N4BP2: variants seen among roughly 807,000 people sequenced by gnomAD.
N4BP2 encodes NEDD4-binding protein 2.
A neutral mutation model predicts 152.8 loss-of-function variants in N4BP2; 91 were observed. The observed-to-expected ratio is 0.60, with a 90% CI of 0.50 to 0.71. The LOEUF (loss-of-function observed/expected upper bound fraction) is 0.71. Ranked by LOEUF, N4BP2 falls within the 30% of genes least tolerant of loss-of-function variation. The pLI is 0.00. For synonymous variants in N4BP2, 646 were observed against 705.3 expected, an observed-to-expected ratio of 0.92 and a Z score of 1.33; for missense variants, 1,923 against 2,059.1, an observed-to-expected ratio of 0.93 and a Z score of 1.28.
In N4BP2 at chr4:40,131,877, C is replaced by G. The variant is rs1483344890; in HGVS notation, c.4604C>G (p.Ala1535Gly). ...KEKQLFKIFPAINQNFLVDIF... is the reference protein window; with the variant it reads ...KEKQLFKIFPGINQNFLVDIF... ...AAGCAGCTCTTTAAGATATTTCCAGCCATTAACCAAAATTTTCTGGTGGAC... is the reference window on the plus strand; with the variant it reads ...AAGCAGCTCTTTAAGATATTTCCAGGCATTAACCAAAATTTTCTGGTGGAC... Residue 1535 changes from alanine to glycine, a missense_variant, in exon 13 of 18, where the codon GCC becomes GGC. Transcript: ENST00000261435. 1 of 1,613,542 alleles carries G rather than the reference C, an allele frequency of 6.2e-7. No homozygotes were observed. Among genetic ancestry groups the G allele is most frequent in the Non-Finnish European group, 8.5e-7 (1 of 1,179,652 alleles).
In N4BP2 at chr4:40,102,878, C is replaced by T. The variant is rs753560148; in HGVS notation, c.1033C>T (p.Pro345Ser). 9.3e-6 allele frequency: 15 copies of T among 1,614,160 alleles called. No homozygotes were observed. In the South Asian group the frequency reaches 1.2e-4, roughly 13 times the overall value. ...PTKGKDVSYC[P>S]VLAPLPLLLP... Reference sequence around the variant, plus strand: ...TAAGGGGAAGGATGTGAGTTACTGCCCGGTACTTGCTCCTCTCCCATTGCT... The same window carrying T: ...TAAGGGGAAGGATGTGAGTTACTGCTCGGTACTTGCTCCTCTCCCATTGCT... The change falls in exon 4 of 18, where the codon CCG (proline) becomes TCG (serine). Residue 345 changes from proline to serine, a missense_variant. By Grantham distance (74) the Pro-to-Ser change is moderately conservative. Transcript: ENST00000261435.
chr4:40,067,023 T>C (rs1290278056), intron 1 of N4BP2, among the ~76,000 whole-genome samples: 1 of 151,808 alleles, frequency 6.6e-6, no homozygotes, highest in Admixed American at 6.6e-5. Flanking sequence ...TCCTCAAGAT[T>C]CTTCCATGTT....
At chr4:40,173,419 C>T in the N4BP2 span, among the ~76,000 whole-genome samples, 1 of 152,148 alleles carries the variant, frequency 6.6e-6, no homozygotes, top group Non-Finnish European at 1.5e-5. Context: ...CAAGGATTTA[C>T]ACAATAGCAG....
chr4:40,149,473 A>G (rs552665105), intron 16 of N4BP2, among the ~76,000 whole-genome samples: 2 of 152,326 alleles, frequency 1.3e-5, no homozygotes, highest in South Asian at 4.1e-4. Context: ...TCTTTGTGAA[A>G]TGATGGAATG....
intron 2 of N4BP2, among the ~76,000 whole-genome samples, chr4:40,089,833 A>T (rs1401150355): frequency 2.6e-5 from 4 of 152,084 alleles, no homozygotes; most frequent in Non-Finnish European, 4.4e-5. Flanking sequence ...CCACAAGGAG[A>T]GATTTTCCCC....
At position 40,157,646 on chromosome 4, in the gene N4BP2, T is replaced by A. The variant is rs1721708650; in HGVS notation, c.*3409T>A. 1 of 152,218 alleles carries A rather than the reference T, an allele frequency of 6.6e-6. No individual in the cohort carries two copies. Among genetic ancestry groups the A allele is most frequent in the Admixed American group, 6.5e-5 (1 of 15,278 alleles). The allele number at this position is 152,218 out of a possible 1,614,324, so 9.4% of individuals were successfully genotyped here. A position where few individuals can be genotyped will look rare whatever the true frequency, so the allele number is the denominator to read the frequency against. Reference sequence around the variant, plus strand: ...TCCAAGTGCTTTTTCTAAGTGCTTTTCCATTGTGCAATGAGGTGAAGTTTG... The same window carrying A: ...TCCAAGTGCTTTTTCTAAGTGCTTTACCATTGTGCAATGAGGTGAAGTTTG... On this transcript the variant is annotated 3_prime_UTR_variant, in exon 18 of 18. Transcript: ENST00000261435.
At chr4:40,072,324 C>A (rs549219831) in intron 1 of N4BP2, among the ~76,000 whole-genome samples, 6 of 149,676 alleles carry the variant, frequency 4.0e-5, no homozygotes, top group African/African-American at 1.5e-4. Context: ...TGGCTCACTG[C>A]AACCTTCGAC....
chr4:40,144,543 C>T lies in N4BP2; in HGVS notation c.4975-89C>T. On this transcript the variant is annotated intron_variant, in intron 15 of 17. Coordinates refer to ENST00000261435, the MANE Select transcript of N4BP2 (RefSeq NM_018177.6). Reference sequence around the variant, plus strand: ...TTAGGTTTATTATTCCCTTTTTCCCCCTTCCTTTTATTTGGGGCACTATTA... The same window carrying T: ...TTAGGTTTATTATTCCCTTTTTCCCTCTTCCTTTTATTTGGGGCACTATTA... The T allele has an allele frequency of 5.0e-6, 5 of 1,001,540 alleles. No individual in the cohort carries two copies. In the South Asian group the frequency reaches 5.7e-5, roughly 11 times the overall value. 62.0% of individuals were successfully genotyped at this position (1,001,540 alleles called of 1,614,324 possible).
At chr4:40,091,602 CTTTTTT>C (rs35142277) in intron 2 of N4BP2, among the ~76,000 whole-genome samples, 2 of 80,470 alleles carry the variant, frequency 2.5e-5, no homozygotes, top group Non-Finnish European at 2.4e-5. Context: ...GTATACAATC[CTTTTTT>C]TTTTTTTTTT....
chr4:40,070,027 C>G (rs1281570184), intron 1 of N4BP2, among the ~76,000 whole-genome samples: 1 of 152,170 alleles, frequency 6.6e-6, no homozygotes, highest in Non-Finnish European at 1.5e-5. Context: ...TAGAAGCAAA[C>G]TAGTTTGCTT....
At chr4:40,187,365 T>A in the N4BP2 span, among the ~76,000 whole-genome samples, 20,136 of 152,234 alleles carry the variant, frequency 0.13, 1,582 homozygotes, top group Non-Finnish European at 0.17. Flanking sequence ...AAAAAAAATT[T>A]AAATGGCTAC....
intron 11 of N4BP2, among the ~76,000 whole-genome samples, chr4:40,125,759 C>G (rs1026871632): frequency 6.6e-6 from 1 of 151,912 alleles, no homozygotes; most frequent in African/African-American, 2.4e-5. Context: ...TGGTGGCGGG[C>G]GCCTGTAATC....
chr4:40,130,124 C>T (rs1718785331), intron 12 of N4BP2, among the ~76,000 whole-genome samples: 1 of 152,084 alleles, frequency 6.6e-6, no homozygotes, highest in South Asian at 2.1e-4. Flanking sequence ...CTCCTGGGCT[C>T]AAGCAATTCT....
intron 1 of N4BP2, among the ~76,000 whole-genome samples, chr4:40,060,682 A>T (rs1266349708): frequency 1.3e-5 from 2 of 148,492 alleles, no homozygotes; most frequent in African/African-American, 2.5e-5. Context: ...AGCTCACTGT[A>T]GCCTTGAATT....
intron 2 of N4BP2, among the ~76,000 whole-genome samples, chr4:40,087,370 T>C (rs1714078832): frequency 6.6e-6 from 1 of 151,972 alleles, no homozygotes; most frequent in African/African-American, 2.4e-5. Flanking sequence ...ATTAAAAAAT[T>C]AGGTTTTTTT....
Position 40,075,217 on chromosome 4 carries a change from A to G in N4BP2, c.-115+1666A>G, listed in dbSNP as rs1364609996. On this transcript the variant is annotated intron_variant, in intron 2 of 17. Transcript: ENST00000261435. ...TATAGATGGAAATTAATAAGTCAGT[A>G]ATACCGACTGACTCTAAATTAAGCA... Among the ~76,000 whole-genome samples the G allele has an allele frequency of 2.0e-5, 3 of 152,142 alleles. No individual in the cohort carries two copies. The South Asian group carries it at 6.2e-4, about 31-fold the overall frequency.
chr4:40,117,848 T>C (rs1419989796), intron 7 of N4BP2, 21 bp from the exon 8 acceptor site: 3 of 1,584,326 alleles, frequency 1.9e-6, no homozygotes, highest in Non-Finnish European at 2.6e-6. Flanking sequence ...CTTCAACCCT[T>C]TTTTCCCCTG....
intron 2 of N4BP2, among the ~76,000 whole-genome samples, chr4:40,073,940 A>G (rs1014236780): frequency 1.3e-5 from 2 of 148,904 alleles, no homozygotes; most frequent in African/African-American, 5.0e-5. Flanking sequence ...TTACAGGCGC[A>G]TGCCACCACA....
intron 14 of N4BP2, among the ~76,000 whole-genome samples, chr4:40,141,369 A>G (rs1158574460): frequency 7.0e-6 from 1 of 143,758 alleles, no homozygotes; most frequent in Non-Finnish European, 1.5e-5. Flanking sequence ...CACTTCTCAG[A>G]CGGGGCAGCC....
Sources: gnomAD v4.1 joint callset for allele counts (sites outside exome capture counted in the v4.1 genomes callset) on GRCh38, gnomAD v4.1.1 for gene constraint, MANE v1.5 for transcripts, NCBI Gene and HGNC (gene_info 2026-07-23, HGNC 2026-07-21) for gene names.